The following NOD2 variants were observed in gnomAD, a reference collection of about 807,000 sequenced individuals.
NOD2 encodes the protein nucleotide-binding oligomerization domain-containing protein 2.
NOD2 carries 86 observed loss-of-function variants against 90.9 expected under a neutral mutation model. The ratio of observed to expected loss-of-function variants is 0.95; its 90% CI spans 0.79 to 1.13. The LOEUF is 1.13. Among genes scored for constraint, NOD2 ranks in the 50% most tolerant of loss-of-function variants. NOD2 has a pLI of 0.00. For synonymous variants in NOD2, 581 were observed against 554.6 expected (o/e 1.05, Z -0.67); for missense variants, 1,238 against 1,283.8 (o/e 0.96, Z 0.55).
In NOD2 at chr16:50,706,263, G is replaced by A. The variant is rs73575751; in HGVS notation, c.460-1592G>A. ...CATGAAAGGAGAAACTTGGGTCCAC[G>A]TGGTTCTAGACAGGTATTTTTGTCT... On this transcript the variant is annotated intron_variant, in intron 2 of 11. Coordinates refer to ENST00000647318, the MANE Select transcript of NOD2 (RefSeq NM_001370466.1). Among the ~76,000 whole-genome samples the A allele has an allele frequency of 2.9e-3, 448 of 152,290 alleles. 5 individuals carry two copies. Among genetic ancestry groups the A allele is most frequent in the African/African-American group, 1.0e-2 (415 of 41,542 alleles).
chr16:50,707,287 C>T (rs940654184), intron 2 of NOD2, among the ~76,000 whole-genome samples: 6 of 152,098 alleles, frequency 3.9e-5, no homozygotes, highest in Non-Finnish European at 8.8e-5. Context: ...GGGCAGAGCA[C>T]CTGGAAGAAA....
At chr16:50,731,629 A>C (rs1965456976) in intron 11 of NOD2, 118 bp from the exon 12 acceptor site, 3 of 752,902 alleles carry the variant, frequency 4.0e-6, no homozygotes, top group Non-Finnish European at 7.2e-6. Flanking sequence ...GAAACACTGC[A>C]GCTGGGCCAG....
chr16:50,712,434 G>A, intron 4 of NOD2, 61 bp downstream of exon 4: 1 of 1,602,940 alleles, frequency 6.2e-7, no homozygotes, highest in Non-Finnish European at 8.5e-7. Context: ...CTAAGTGTGG[G>A]AGCACCGAGC....
rs1965117852 is a variant in NOD2, at chr16:50,722,761, G to A, written c.2717+56G>A. On this transcript the variant is annotated intron_variant, in intron 8 of 11. Coordinates refer to ENST00000647318, the MANE Select transcript of NOD2 (RefSeq NM_001370466.1). The stretch of plus-strand genomic sequence containing the variant: ...TTGGGGAGATCAGGTGAAGAGGGAG[G>A]AGCTGGGGCCAGTTCTGAAGGTCTT... The A allele has an allele frequency of 4.0e-6, 6 of 1,502,470 alleles. No homozygotes were observed. The South Asian group carries it at 6.7e-5, about 17-fold the overall frequency. 93.1% of individuals were successfully genotyped at this position (1,502,470 alleles called of 1,614,324 possible).
At chr16:50,712,405 TG>T in intron 4 of NOD2, 32 bp downstream of exon 4, 1 of 1,611,196 alleles carries the variant, frequency 6.2e-7, no homozygotes. Flanking sequence ...TGTTCAGGTA[TG>T]GGGGAGCACC....
rs768306879 is a variant in NOD2 at position 50,711,682 on chromosome 16, G to A, written c.1690G>A (p.Val564Ile). The A allele has an allele frequency of 1.2e-6, 2 of 1,613,622 alleles. No homozygotes were observed. Among genetic ancestry groups the A allele is most frequent in the Non-Finnish European group, 1.7e-6 (2 of 1,179,978 alleles). ...SLGFLVRAKG[V>I]VPGSTAPLEF... Reference sequence around the variant, plus strand: ...TGGCTTCCTGGTGCGTGCCAAAGGTGTCGTGCCAGGGAGTACGGCGCCCCT... The same window carrying A: ...TGGCTTCCTGGTGCGTGCCAAAGGTATCGTGCCAGGGAGTACGGCGCCCCT... Residue 564 changes from valine (V) to isoleucine (I), a missense_variant, in exon 4 of 12, where the codon GTC becomes ATC. Physicochemically the swap from Val to Ile is conservative, Grantham distance 29. Coordinates refer to ENST00000647318, the MANE Select transcript of NOD2 (RefSeq NM_001370466.1).
Position 50,710,777 on chromosome 16 carries a change from A to C in NOD2, c.785A>C (p.Asn262Thr). The C allele has an allele frequency of 2.5e-6, 4 of 1,614,050 alleles. No homozygotes were observed. Among genetic ancestry groups the C allele is most frequent in the Non-Finnish European group, 3.4e-6 (4 of 1,179,994 alleles). ...EELFSTPGHL[N>T]DDADTVLVVG... ...CTCTTCAGCACCCCTGGCCACCTCA[A>C]TGACGATGCGGACACTGTGCTGGTG... Residue 262 changes from asparagine (N) to threonine (T), a missense_variant, in exon 4 of 12, where the codon AAT (asparagine) becomes ACT (threonine). This residue lies in a region of NOD2 where 567 missense variants were observed against 577.3 expected (regional missense o/e 0.98). Transcript: ENST00000647318.
intron 4 of NOD2, 64 bp downstream of exon 4, chr16:50,712,437 C>T: frequency 6.2e-7 from 1 of 1,600,630 alleles, no homozygotes; most frequent in Non-Finnish European, 8.5e-7. Context: ...AGTGTGGGAG[C>T]ACCGAGCTGG....
chr16:50,712,274 A>G lies in NOD2; in HGVS notation c.2282A>G (p.His761Arg), dbSNP rs912833785. 3 of 1,613,732 alleles carry G rather than the reference A, an allele frequency of 1.9e-6. No individual in the cohort carries two copies. The African/African-American group carries it at 4.0e-5, about 22-fold the overall frequency. ...GCTGCCCTGGCCTTTGTGCTGCAGC[A>G]CCTCCGGCGGCCCGTGGCCCTGCAG... Reference protein sequence around the residue: ...ECAALAFVLQHLRRPVALQLD... With the variant: ...ECAALAFVLQRLRRPVALQLD... Residue 761 changes from histidine to arginine, a missense_variant, in exon 4 of 12, where the codon CAC (histidine) becomes CGC (arginine). His to Arg is a conservative substitution (Grantham distance 29, BLOSUM62 0). This residue lies in a region of NOD2 where 667 missense variants were observed against 688.7 expected (regional missense o/e 0.97). Coordinates refer to ENST00000647318, the MANE Select transcript of NOD2 (RefSeq NM_001370466.1).
intron 7 of NOD2, among the ~76,000 whole-genome samples, chr16:50,721,382 GT>G (rs1253353083): frequency 1.4e-5 from 2 of 146,728 alleles, no homozygotes; most frequent in Admixed American, 6.7e-5. Flanking sequence ...TTTTTTGTTT[GT>G]TTGTTTGTTT....
chr16:50,712,292 C>T lies in NOD2; in HGVS notation c.2300C>T (p.Ala767Val). Residue 767 changes from alanine (A) to valine (V), a missense_variant, in exon 4 of 12, where the codon GCC (alanine) becomes GTC (valine). Ala to Val is a moderately conservative substitution (Grantham distance 64). Coordinates refer to ENST00000647318, the MANE Select transcript of NOD2 (RefSeq NM_001370466.1). ...FVLQHLRRPV[A>V]LQLDYNSVGD... is the part of the protein sequence containing the mutation. ...CTGCAGCACCTCCGGCGGCCCGTGG[C>T]CCTGCAGCTGGACTACAACTCTGTG... The T allele has an allele frequency of 1.9e-6, 3 of 1,614,038 alleles. No homozygotes were observed. The highest frequency in any genetic ancestry group is 1.7e-6 in the Non-Finnish European group (2 of 1,180,044).
At position 50,712,287 on chromosome 16, in the gene NOD2, C is replaced by T. The variant is rs5743280; in HGVS notation, c.2295C>T (p.Pro765=). ...LAFVLQHLRR[P]VALQLDYNSV... ...TTGTGCTGCAGCACCTCCGGCGGCC[C>T]GTGGCCCTGCAGCTGGACTACAACT... is the stretch of plus-strand genomic sequence containing the variant. The change falls in exon 4 of 12, where the codon CCC becomes CCT. Residue 765 remains proline (P), a synonymous_variant. Transcript: ENST00000647318. 6.9e-5 allele frequency: 112 copies of T among 1,613,886 alleles called. No individual in the cohort carries two copies. In the African/African-American group the frequency reaches 9.3e-4, roughly 13 times the overall value.
At chr16:50,712,425 T>C in intron 4 of NOD2, 52 bp downstream of exon 4, 1 of 1,607,434 alleles carries the variant, frequency 6.2e-7, no homozygotes, top group Non-Finnish European at 8.5e-7. Flanking sequence ...CCATCAAGGC[T>C]AAGTGTGGGA....
chr16:50,705,228 T>C (rs754943892), intron 2 of NOD2, among the ~76,000 whole-genome samples: 2 of 152,346 alleles, frequency 1.3e-5, no homozygotes, highest in Middle Eastern at 3.4e-3. Flanking sequence ...TGTAGTATCT[T>C]ACTCTTGTTT....
rs1452918171 is a variant in NOD2 at position 50,733,005 on chromosome 16, C to T, written c.*1186C>T. The T allele has an allele frequency of 2.0e-5, 3 of 152,346 alleles. No homozygotes were observed. In the East Asian group the frequency reaches 5.6e-4, roughly 29 times the overall value. 9.4% of individuals were successfully genotyped at this position (152,346 alleles called of 1,614,324 possible). ...TTTGTTTTACTGTCTTAAGTTTATA[C>T]TCTTATAGACAACATGGCCGTGAAC... On this transcript the variant is annotated 3_prime_UTR_variant, in exon 12 of 12. Transcript: ENST00000647318.
chr16:50,722,503 G>T, intron 7 of NOD2, 119 bp from the exon 8 acceptor site: 2 of 980,156 alleles, frequency 2.0e-6, no homozygotes, highest in South Asian at 1.3e-5. Context: ...GCCACTCTGG[G>T]ATTGAGTGGT....
chr16:50,703,983 A>G lies in NOD2; in HGVS notation c.460-3872A>G, dbSNP rs900938326. On this transcript the variant is annotated intron_variant, in intron 2 of 11. Coordinates refer to ENST00000647318, the MANE Select transcript of NOD2 (RefSeq NM_001370466.1). ...GTCAGTGGTAAAGTTGCCAAAGGCT[A>G]TTATAGCTCACAGGAATGGGCCAAG... Among the ~76,000 whole-genome samples the G allele has an allele frequency of 2.6e-5, 4 of 152,330 alleles. No homozygotes were observed. The East Asian group carries it at 7.7e-4, about 29-fold the overall frequency.
At chr16:50,696,158 C>T (rs557401149) in intron 1 of NOD2, among the ~76,000 whole-genome samples, 2 of 152,304 alleles carry the variant, frequency 1.3e-5, no homozygotes, top group South Asian at 2.1e-4. Flanking sequence ...GGCTTCCCCT[C>T]CTCTCCTGTC....
intron 3 of NOD2, 77 bp downstream of exon 3, chr16:50,708,037 C>A: frequency 1.0e-6 from 1 of 993,980 alleles, no homozygotes; most frequent in South Asian, 1.3e-5. Context: ...GAACACACCT[C>A]GGTTAACATC....
Sources: allele counts gnomAD v4.1 joint callset (sites outside exome capture counted in the v4.1 genomes callset), GRCh38; gene constraint gnomAD v4.1.1; regional missense constraint gnomAD v4.1.1; transcripts MANE v1.5; gene names NCBI Gene and HGNC (gene_info 2026-07-23, HGNC 2026-07-21).